Variants in KIAA0319 observed in about 807,000 individuals in gnomAD.
The protein encoded by KIAA0319 is dyslexia-associated protein KIAA0319.
In KIAA0319, 83 loss-of-function variants were observed where a neutral mutation model predicts 108.4. That is an observed-to-expected ratio of 0.77 (90% CI 0.64 to 0.92). The LOEUF (loss-of-function observed/expected upper bound fraction) is 0.92. Ranked by LOEUF, KIAA0319 falls within the 40% of genes least tolerant of loss-of-function variation. KIAA0319 has a pLI of 0.00. For synonymous variants in KIAA0319, 484 were observed against 510.4 expected (o/e 0.95, Z 0.70); for missense variants, 1,195 against 1,322.4 (o/e 0.90, Z 1.49).
intron 20 of KIAA0319, among the ~76,000 whole-genome samples, chr6:24,550,635 G>A (rs1020316114): frequency 1.3e-5 from 2 of 152,184 alleles, no homozygotes; most frequent in African/African-American, 2.4e-5. Context: ...AGATAACGCA[G>A]CTGCTGAAAA....
At chr6:24,575,246 G>A (rs2127469829) in intron 10 of KIAA0319, among the ~76,000 whole-genome samples, 1 of 152,268 alleles carries the variant, frequency 6.6e-6, no homozygotes, top group Non-Finnish European at 1.5e-5. Flanking sequence ...GGTGTGTAGA[G>A]GCAAGGCTCA....
Position 24,645,752 on chromosome 6 carries a change from C to G in KIAA0319, c.-122G>C, listed in dbSNP as rs367723128. The stretch of plus-strand genomic sequence containing the variant: ...ATACCGTACCTGTGGTCACTGCTGG[C>G]GACACTGAAGCTCGCCCCATGCGTT... On this transcript the variant is annotated 5_prime_UTR_variant, in exon 1 of 21. Coordinates refer to ENST00000378214, the MANE Select transcript of KIAA0319 (RefSeq NM_014809.4). The G allele has an allele frequency of 6.6e-6, 1 of 152,238 alleles. No homozygotes were observed. Among genetic ancestry groups the G allele is most frequent in the East Asian group, 1.9e-4 (1 of 5,164 alleles). The allele number at this position is 152,238 out of a possible 1,614,324, so 9.4% of individuals were successfully genotyped here. A position where few individuals can be genotyped will look rare whatever the true frequency, so the allele number is the denominator to read the frequency against.
At position 24,578,189 on chromosome 6, in the gene KIAA0319, G is replaced by A. The variant is rs749632488; in HGVS notation, c.1426C>T (p.Pro476Ser). Residue 476 changes from proline (P) to serine (S), a missense_variant, in exon 9 of 21, where the codon CCC becomes TCC. By Grantham distance (74) the Pro-to-Ser change is moderately conservative (BLOSUM62 -1). Coordinates refer to ENST00000378214, the MANE Select transcript of KIAA0319 (RefSeq NM_014809.4). ...ACTGAAGTCTTCTCTTCTATGAAGG[G>A]CCCGTTTATTTCTTCCCAATGATAA... Reference protein sequence around the residue: ...VSYHWEEINGPFIEEKTSVDS... With the variant: ...VSYHWEEINGSFIEEKTSVDS... 1 of 1,608,770 alleles carries A rather than the reference G, an allele frequency of 6.2e-7. No individual in the cohort carries two copies. The highest frequency in any genetic ancestry group is 1.7e-5 in the Admixed American group (1 of 59,912).
At chr6:24,571,951 G>A (rs1043929044) in intron 11 of KIAA0319, among the ~76,000 whole-genome samples, 2 of 152,272 alleles carry the variant, frequency 1.3e-5, no homozygotes, top group Non-Finnish European at 2.9e-5. Flanking sequence ...CAAGGGCAGA[G>A]ATCAAGTCTA....
chr6:24,608,956 A>C (rs1015182618), intron 1 of KIAA0319, among the ~76,000 whole-genome samples: 2 of 146,328 alleles, frequency 1.4e-5, no homozygotes, highest in Non-Finnish European at 3.0e-5. Flanking sequence ...AAAAAAAAAA[A>C]AGGCATGTCA....
intron 1 of KIAA0319, among the ~76,000 whole-genome samples, chr6:24,639,381 T>A (rs1457350208): frequency 1.3e-5 from 2 of 152,040 alleles, no homozygotes; most frequent in African/African-American, 4.8e-5. Context: ...CTAGAAAGTA[T>A]AGAGGAACAA....
chr6:24,623,666 G>A (rs1197640244), intron 1 of KIAA0319, among the ~76,000 whole-genome samples: 1 of 152,184 alleles, frequency 6.6e-6, no homozygotes, highest in Non-Finnish European at 1.5e-5. Flanking sequence ...GAGGATTGGT[G>A]AATGGGTACA....
At chr6:24,571,369 C>A (rs1486858105) in intron 11 of KIAA0319, among the ~76,000 whole-genome samples, 1 of 120,810 alleles carries the variant, frequency 8.3e-6, no homozygotes, top group Non-Finnish European at 1.8e-5. Context: ...AAAGTGAGAC[C>A]CTGTCTCACA....
At chr6:24,555,371 C>T (rs1762131519) in intron 18 of KIAA0319, among the ~76,000 whole-genome samples, 1 of 151,936 alleles carries the variant, frequency 6.6e-6, no homozygotes, top group Admixed American at 6.6e-5. Context: ...ATGGCACACA[C>T]CTGTAATACC....
intron 1 of KIAA0319, among the ~76,000 whole-genome samples, chr6:24,613,926 A>T (rs1404013083): frequency 6.6e-6 from 1 of 152,178 alleles, no homozygotes; most frequent in Non-Finnish European, 1.5e-5. Flanking sequence ...CCAGAATCTG[A>T]TATTTATTTC....
At chr6:24,564,483 G>A in intron 14 of KIAA0319, 143 bp from the exon 15 acceptor site, 1 of 1,033,284 alleles carries the variant, frequency 9.7e-7, no homozygotes. Flanking sequence ...GAGGCTGGCG[G>A]GATAGCTAAA....
At chr6:24,616,092 A>T (rs922119661) in intron 1 of KIAA0319, among the ~76,000 whole-genome samples, 2 of 152,184 alleles carry the variant, frequency 1.3e-5, no homozygotes, top group African/African-American at 4.8e-5. Flanking sequence ...CACAGAAGAC[A>T]TTGTTTGTAG....
rs1554157073 is a variant in KIAA0319 at position 24,579,410 on chromosome 6, A to AAGAT, written c.1372+444_1372+447dup. 2.6e-4 allele frequency among the ~76,000 whole-genome samples: 23 copies of AAGAT among 88,006 alleles called. 2 individuals carry two copies. Among genetic ancestry groups the AAGAT allele is most frequent in the African/African-American group, 1.4e-3 (22 of 15,990 alleles). 57.7% of individuals were successfully genotyped at this position (88,006 alleles called of 152,430 possible). Reference sequence around the variant, plus strand: ...CAGGTCACGGGAGCTCCTCTATATAAAGATATATATATATATATATATCTT... The same window carrying AAGAT: ...CAGGTCACGGGAGCTCCTCTATATAAAGATAGATATATATATATATATATATCTT... On this transcript the variant is annotated intron_variant, in intron 8 of 20. Transcript: ENST00000378214.
chr6:24,590,244 G>T (rs1021523980), intron 3 of KIAA0319, among the ~76,000 whole-genome samples: 1 of 146,066 alleles, frequency 6.8e-6, no homozygotes, highest in Non-Finnish European at 1.5e-5. Flanking sequence ...CTGGGTTCCA[G>T]ATATTTACTA....
chr6:24,623,502 A>G (rs1470090704), intron 1 of KIAA0319, among the ~76,000 whole-genome samples: 1 of 152,196 alleles, frequency 6.6e-6, no homozygotes, highest in African/African-American at 2.4e-5. Flanking sequence ...AAGAACTCCA[A>G]AAGTTCTTAA....
At chr6:24,641,997 C>T (rs1776964354) in intron 1 of KIAA0319, among the ~76,000 whole-genome samples, 1 of 121,898 alleles carries the variant, frequency 8.2e-6, no homozygotes, top group Non-Finnish European at 1.6e-5. Context: ...GCCTGGGTGA[C>T]AGAGCAAGAC....
Position 24,568,843 on chromosome 6 carries a change from A to G in KIAA0319, c.2078T>C (p.Leu693Ser). The change falls in exon 13 of 21, where the codon TTG (leucine) becomes TCG (serine). Residue 693 changes from leucine to serine, a missense_variant. By Grantham distance (145) the Leu-to-Ser change is moderately radical. Transcript: ENST00000378214. ...CAGTCCCTGCTGGTCTTTCACTGTC[A>G]AACGGAAGTGGTAGGTCCCCACCTG... Reference protein sequence around the residue: ...GLQVGTYHFRLTVKDQQGLSS... With the variant: ...GLQVGTYHFRSTVKDQQGLSS... The G allele has an allele frequency of 6.2e-7, 1 of 1,614,182 alleles. No individual in the cohort carries two copies. The highest frequency in any genetic ancestry group is 8.5e-7 in the Non-Finnish European group (1 of 1,180,020).
intron 1 of KIAA0319, among the ~76,000 whole-genome samples, chr6:24,637,920 A>G (rs1422205440): frequency 6.6e-6 from 1 of 152,188 alleles, no homozygotes; most frequent in Non-Finnish European, 1.5e-5. Flanking sequence ...AGCTGAAGAA[A>G]CTAATGAAAA....
rs777832355 is a variant in KIAA0319 at position 24,578,156 on chromosome 6, G to A, written c.1459C>T (p.Pro487Ser). The A allele has an allele frequency of 6.2e-7, 1 of 1,613,520 alleles. No individual in the cohort carries two copies. Among genetic ancestry groups the A allele is most frequent in the South Asian group, 1.1e-5 (1 of 90,988 alleles). Reference sequence around the variant, plus strand: ...TCAAGGTTAGACAAGCGTAAGACGGGAGAGTCAACTGAAGTCTTCTCTTCT... The same window carrying A: ...TCAAGGTTAGACAAGCGTAAGACGGAAGAGTCAACTGAAGTCTTCTCTTCT... Reference protein sequence around the residue: ...FIEEKTSVDSPVLRLSNLDPG... With the variant: ...FIEEKTSVDSSVLRLSNLDPG... Residue 487 changes from proline (P) to serine (S), a missense_variant, in exon 9 of 21, where the codon CCC (proline) becomes TCC (serine). Transcript: ENST00000378214.
Sources: gnomAD v4.1 joint callset for allele counts (sites outside exome capture counted in the v4.1 genomes callset) on GRCh38, gnomAD v4.1.1 for gene constraint, MANE v1.5 for transcripts, NCBI Gene and HGNC (gene_info 2026-07-23, HGNC 2026-07-21) for gene names.